Variants in MBTPS1 observed in about 807,000 individuals in gnomAD.
MBTPS1 encodes the protein membrane-bound transcription factor site-1 protease.
Under a neutral mutation model 127.8 loss-of-function variants are expected in MBTPS1, and 94 were observed. The ratio of observed to expected loss-of-function variants is 0.74; its 90% confidence interval spans 0.62 to 0.87. The LOEUF (loss-of-function observed/expected upper bound fraction) is 0.87. Ranked by LOEUF, MBTPS1 falls within the 40% of genes least tolerant of loss-of-function variation. The pLI is 0.00. For missense variants in MBTPS1, 1,636 were observed against 1,353.2 expected (o/e 1.21, Z -3.28); for synonymous variants, 632 against 509.4 (o/e 1.24, Z -3.24).
intron 11 of MBTPS1, among the ~76,000 whole-genome samples, chr16:84,079,613 T>G (rs1228515059): frequency 6.6e-6 from 1 of 152,230 alleles, no homozygotes; most frequent in East Asian, 1.9e-4. Flanking sequence ...ACACTACAAC[T>G]AAGCAAATAA....
At chr16:84,055,478 G>T (rs1484755980) in intron 22 of MBTPS1, among the ~76,000 whole-genome samples, 1 of 152,216 alleles carries the variant, frequency 6.6e-6, no homozygotes, top group African/African-American at 2.4e-5. Flanking sequence ...CCTGCCCTAG[G>T]CAGTCTATGT....
At chr16:84,069,841 G>T in intron 14 of MBTPS1, 25 bp downstream of exon 14, 5 of 1,601,134 alleles carry the variant, frequency 3.1e-6, no homozygotes, top group Non-Finnish European at 4.3e-6. Flanking sequence ...CTGGGGAGGT[G>T]AAGTGCATCC....
intron 17 of MBTPS1, 121 bp from the exon 18 acceptor site, chr16:84,065,888 A>G (rs1348902590): frequency 5.4e-6 from 3 of 560,250 alleles, no homozygotes; most frequent in Non-Finnish European, 9.2e-6. Context: ...ATTGTTTTTA[A>G]TCTTGAGGGA....
At position 84,076,721 on chromosome 16, in the gene MBTPS1, T is replaced by C. The variant is rs1440943130; in HGVS notation, c.1449-1980A>G. Among the ~76,000 whole-genome samples, 3 of 152,278 alleles carry C rather than the reference T, an allele frequency of 2.0e-5. No homozygotes were observed. The East Asian group carries it at 5.8e-4, about 29-fold the overall frequency. On this transcript the variant is annotated intron_variant, in intron 11 of 22. Coordinates refer to ENST00000343411, the MANE Select transcript of MBTPS1 (RefSeq NM_003791.4). ...CTTACCAAGAAATGTGTAAAACCTA[T>C]ATGAAGACAACTGTAAAACCTCCTG...
Position 84,054,400 on chromosome 16 carries a change from G to T in MBTPS1, c.*49C>A, listed in dbSNP as rs773824742. 4 of 1,498,390 alleles carry T rather than the reference G, an allele frequency of 2.7e-6. No homozygotes were observed. Among genetic ancestry groups the T allele is most frequent in the East Asian group, 2.3e-5 (1 of 42,788 alleles). 92.8% of individuals were successfully genotyped at this position (1,498,390 alleles called of 1,614,324 possible). Reference sequence around the variant, plus strand: ...ACCACAGCTCGGCTCACCCACCAGCGCCGTCCGTGAAGGCTCTCTCTGGCC... The same window carrying T: ...ACCACAGCTCGGCTCACCCACCAGCTCCGTCCGTGAAGGCTCTCTCTGGCC... On this transcript the variant is annotated 3_prime_UTR_variant, in exon 23 of 23. Transcript: ENST00000343411.
rs371971004 is a variant in MBTPS1, at chr16:84,058,422, G to T, written c.2831+880C>A. On this transcript the variant is annotated intron_variant, in intron 21 of 22. Coordinates refer to ENST00000343411, the MANE Select transcript of MBTPS1 (RefSeq NM_003791.4). ...GGTAGCCTCCTGCCTGAGGGGCTGG[G>T]GAGAGGGGCCGGGTACCAGGCGGCC... Among the ~76,000 whole-genome samples, 12 of 152,328 alleles carry T rather than the reference G, an allele frequency of 7.9e-5. No homozygotes were observed. The East Asian group carries it at 1.7e-3, about 22-fold the overall frequency.
intron 3 of MBTPS1, among the ~76,000 whole-genome samples, chr16:84,098,588 C>G (rs143621649): frequency 4.0e-4 from 61 of 152,138 alleles, no homozygotes; most frequent in Admixed American, 8.5e-4. Flanking sequence ...GCCTGGGCAA[C>G]AAGAGCGAAA....
At chr16:84,100,678 G>C (rs1373356125) in intron 2 of MBTPS1, among the ~76,000 whole-genome samples, 2 of 152,034 alleles carry the variant, frequency 1.3e-5, no homozygotes, top group Admixed American at 6.5e-5. Flanking sequence ...AATGAGCTGA[G>C]ATGGCACCAC....
In MBTPS1 at chr16:84,099,251, T is replaced by C; in HGVS notation, c.223A>G (p.Ser75Gly). The C allele has an allele frequency of 6.2e-7, 1 of 1,614,196 alleles. No individual in the cohort carries two copies. The highest frequency in any genetic ancestry group is 8.5e-7 in the Non-Finnish European group (1 of 1,180,010). ...TCTACTTCACTGCTCTTCAGGGCAC[T>C]TGAAATAAATGAATTTCTAGCTTTG... The part of the protein sequence containing the change: ...TAKARNSFIS[S>G]ALKSSEVDNW... Residue 75 changes from serine to glycine, a missense_variant, in exon 3 of 23, where the codon AGT becomes GGT. Coordinates refer to ENST00000343411, the MANE Select transcript of MBTPS1 (RefSeq NM_003791.4).
At chr16:84,089,487 G>C (rs117780880) in intron 8 of MBTPS1, among the ~76,000 whole-genome samples, 2 of 152,350 alleles carry the variant, frequency 1.3e-5, no homozygotes, top group Non-Finnish European at 2.9e-5. Context: ...GCAGATTCTT[G>C]ATTAGAAAAC....
intron 11 of MBTPS1, among the ~76,000 whole-genome samples, chr16:84,079,426 A>G (rs2085906937): frequency 1.3e-5 from 2 of 152,236 alleles, no homozygotes; most frequent in Non-Finnish European, 2.9e-5. Flanking sequence ...ACAAACACGA[A>G]TAAATGAGTC....
intron 9 of MBTPS1, 149 bp from the exon 10 acceptor site, chr16:84,085,283 C>T: frequency 1.2e-6 from 1 of 814,550 alleles, no homozygotes; most frequent in East Asian, 2.7e-5. Context: ...GAAATTCACT[C>T]CAGGCCAGGC....
intron 10 of MBTPS1, among the ~76,000 whole-genome samples, chr16:84,084,445 A>G (rs1210592475): frequency 6.6e-6 from 1 of 152,218 alleles, no homozygotes; most frequent in East Asian, 1.9e-4. Flanking sequence ...ACAAATGGGT[A>G]ACACTGTGAG....
chr16:84,113,365 T>C (rs991548395), intron 1 of MBTPS1, among the ~76,000 whole-genome samples: 1 of 152,254 alleles, frequency 6.6e-6, no homozygotes, highest in African/African-American at 2.4e-5. Context: ...CCCGTACCTA[T>C]GGGTTTTTCA....
chr16:84,089,205 T>C (rs1331515259), intron 8 of MBTPS1, among the ~76,000 whole-genome samples: 1 of 152,214 alleles, frequency 6.6e-6, no homozygotes, highest in Non-Finnish European at 1.5e-5. Context: ...AAGTGGAAGA[T>C]CAAGGTGAAC....
intron 21 of MBTPS1, among the ~76,000 whole-genome samples, chr16:84,058,428 G>A (rs1257188082): frequency 6.6e-6 from 1 of 152,174 alleles, no homozygotes; most frequent in Non-Finnish European, 1.5e-5. Context: ...CTGGGGAGAG[G>A]GGCCGGGTAC....
chr16:84,078,342 G>C (rs375288698), intron 11 of MBTPS1, among the ~76,000 whole-genome samples: 19 of 139,142 alleles, frequency 1.4e-4, no homozygotes, highest in African/African-American at 5.2e-4. Flanking sequence ...CAGACCAGCA[G>C]TGCCACCTTA....
At chr16:84,067,567 G>A (rs2085703929) in intron 16 of MBTPS1, 100 bp downstream of exon 16, 1 of 990,644 alleles carries the variant, frequency 1.0e-6, no homozygotes, top group Non-Finnish European at 1.5e-6. Context: ...TGTGCCAACT[G>A]GAAAGACCAC....
chr16:84,085,114 A>T lies in MBTPS1; in HGVS notation c.1155T>A (p.Gly385=). 1.9e-6 allele frequency: 3 copies of T among 1,614,178 alleles called. No homozygotes were observed. Among genetic ancestry groups the T allele is most frequent in the Non-Finnish European group, 2.5e-6 (3 of 1,180,020 alleles). The change falls in exon 10 of 23, where the codon GGT becomes GGA. Residue 385 remains glycine, a synonymous_variant. Coordinates refer to ENST00000343411, the MANE Select transcript of MBTPS1 (RefSeq NM_003791.4). ...AGGTGACAATGTCAGGTTTCATGCG[A>T]CCGTAGCCTCCTGGTAGCTCCTATG... ...MTTWELPGGY[G]RMKPDIVTYG... is the part of the protein sequence containing the mutation.
Sources: gnomAD v4.1 joint callset for allele counts (sites outside exome capture counted in the v4.1 genomes callset) on GRCh38, gnomAD v4.1.1 for gene constraint, MANE v1.5 for transcripts, NCBI Gene and HGNC (gene_info 2026-07-23, HGNC 2026-07-21) for gene names.